Variants in CRTC1 observed in about 807,000 individuals in gnomAD.
The protein encoded by CRTC1 is CREB regulated transcription coactivator 1.
In CRTC1, 18 loss-of-function variants were observed where a neutral mutation model predicts 66.1. That is an observed-to-expected ratio of 0.27 (90% CI 0.19 to 0.40). The LOEUF (loss-of-function observed/expected upper bound fraction) is 0.40, where lower values mean the gene tolerates loss of function less well. CRTC1 is among the 10% of genes least tolerant of loss of function. CRTC1 has a pLI of 1.00. For synonymous variants in CRTC1, 416 were observed against 398.8 expected (o/e 1.04, Z -0.51); for missense variants, 669 against 887.9 (o/e 0.75, Z 3.13).
rs1175030531 is a variant in CRTC1, at chr19:18,774,984, C to G, written c.1510C>G (p.Gln504Glu). 5.0e-6 allele frequency: 8 copies of G among 1,604,216 alleles called. No individual in the cohort carries two copies. Among genetic ancestry groups the G allele is most frequent in the Non-Finnish European group, 5.9e-6 (7 of 1,179,874 alleles). ...AARQANALSH[Q>E]LEQFNMMENA... The stretch of plus-strand genomic sequence containing the variant: ...CAGGCAGGCCAATGCTCTGTCCCAC[C>G]AGGTGAGCGGGCGCCCAGGCTGCCA... Residue 504 changes from glutamine (Q) to glutamate (E), a missense_variant and splice_region_variant, in exon 12 of 14, where the codon CAG becomes GAG. This residue lies in a region of CRTC1 where 79 missense variants were observed against 100.1 expected (regional missense o/e 0.79). Transcript: ENST00000321949.
rs530761694 is a variant in CRTC1 at position 18,765,429 on chromosome 19, A to G, written c.912A>G (p.Pro304=). The G allele has an allele frequency of 8.7e-6, 14 of 1,612,980 alleles. No individual in the cohort carries two copies. The African/African-American group carries it at 1.6e-4, about 18-fold the overall frequency. The change falls in exon 9 of 14, where the codon CCA becomes CCG. Residue 304 remains proline (P), a synonymous_variant. Coordinates refer to ENST00000321949, the MANE Select transcript of CRTC1 (RefSeq NM_015321.3). ...GAATGAGCACACCTGGCTCCTCTCC[A>G]CAGCACCGCCCAGCTGGCGTCAGCC... is the stretch of plus-strand genomic sequence containing the variant. ...GQGMSTPGSS[P]QHRPAGVSPL...
chr19:18,771,516 T>C lies in CRTC1; in HGVS notation c.1395T>C (p.Asn465=). 1.2e-6 allele frequency: 2 copies of C among 1,613,650 alleles called. No homozygotes were observed. The highest frequency in any genetic ancestry group is 1.7e-6 in the Non-Finnish European group (2 of 1,179,774). The part of the protein sequence containing the change: ...ANQSPTSPVS[N]QGFSPGSSPQ... ...AGTCTCCCACCTCGCCAGTCTCCAA[T>C]CAAGGCTTCTCCCCAGGGAGCTCCC... Residue 465 remains asparagine (N), a synonymous_variant, in exon 11 of 14, where the codon AAT becomes AAC. Coordinates refer to ENST00000321949, the MANE Select transcript of CRTC1 (RefSeq NM_015321.3). This position sits in a 1 kb window ranked among gnomAD's most constrained non-coding sequence, Gnocchi z 4.6.
At chr19:18,698,083 GGCAGGCACACGGTAGGTGCTCT>G (rs2145513085) in intron 1 of CRTC1, among the ~76,000 whole-genome samples, 2 of 150,566 alleles carry the variant, frequency 1.3e-5, no homozygotes, top group South Asian at 4.2e-4. Context: ...GCAGGTGCTC[GGCAGGCACACGGTAGGTGCTCT>G]GCAGGTGCAC....
chr19:18,736,667 G>A (rs2054003044), intron 1 of CRTC1, among the ~76,000 whole-genome samples: 1 of 151,972 alleles, frequency 6.6e-6, no homozygotes, highest in South Asian at 2.1e-4. Context: ...GGAGCCTATG[G>A]TCATGGAGAG....
At chr19:18,694,734 C>T (rs10412418) in intron 1 of CRTC1, among the ~76,000 whole-genome samples, 3 of 152,166 alleles carry the variant, frequency 2.0e-5, no homozygotes, top group Non-Finnish European at 4.4e-5. Flanking sequence ...CTGCGCCAGG[C>T]GCATCTGGCC....
chr19:18,760,133 C>G lies in CRTC1; in HGVS notation c.791C>G (p.Pro264Arg), dbSNP rs1430590268. The G allele has an allele frequency of 6.2e-7, 1 of 1,613,842 alleles. No individual in the cohort carries two copies. Reference protein sequence around the residue: ...FPSPLPTPLDPEEPTFPALSS... With the variant: ...FPSPLPTPLDREEPTFPALSS... The stretch of plus-strand genomic sequence containing the variant: ...TCCCCGCTCCCGACCCCGCTGGACC[C>G]CGAGGAGCCCACCTTCCCTGCACTG... The change falls in exon 8 of 14, where the codon CCC becomes CGC. Residue 264 changes from proline to arginine, a missense_variant. By Grantham distance (103) the Pro-to-Arg change is moderately radical. Coordinates refer to ENST00000321949, the MANE Select transcript of CRTC1 (RefSeq NM_015321.3). This position sits in a 1 kb window ranked among gnomAD's most constrained non-coding sequence, Gnocchi z 6.2.
chr19:18,740,054 A>G (rs1489511062), intron 1 of CRTC1, among the ~76,000 whole-genome samples: 1 of 151,980 alleles, frequency 6.6e-6, no homozygotes, highest in Non-Finnish European at 1.5e-5. Flanking sequence ...GGGGTTCAAG[A>G]CCAGCCTGGC....
chr19:18,751,010 A>G (rs994316754), intron 5 of CRTC1, among the ~76,000 whole-genome samples: 1 of 152,170 alleles, frequency 6.6e-6, no homozygotes, highest in Non-Finnish European at 1.5e-5. Context: ...GAGCTGTGAC[A>G]TGGGACCCCT....
chr19:18,780,859 C>T lies in CRTC1; in HGVS notation c.*3477C>T, dbSNP rs148208339. ...AGGCCTGAACAGCCTTGGCAGGACC[C>T]GTCCCTAGAGGGGGCTCTGGTGCCT... On this transcript the variant is annotated 3_prime_UTR_variant, in exon 14 of 14. Transcript: ENST00000321949. 2.1e-4 allele frequency: 46 copies of T among 222,608 alleles called. No individual in the cohort carries two copies. Among genetic ancestry groups the T allele is most frequent in the African/African-American group, 9.6e-4 (43 of 44,802 alleles). The allele number at this position is 222,608 out of a possible 1,614,324, so 13.8% of individuals were successfully genotyped here.
intron 11 of CRTC1, among the ~76,000 whole-genome samples, chr19:18,772,087 C>A (rs745937623): frequency 1.3e-5 from 2 of 152,180 alleles, no homozygotes; most frequent in Non-Finnish European, 2.9e-5. Context: ...ATTCCACAGA[C>A]GGGAGACTGA....
intron 1 of CRTC1, among the ~76,000 whole-genome samples, chr19:18,713,126 C>G (rs1374956950): frequency 1.3e-5 from 2 of 152,226 alleles, no homozygotes; most frequent in East Asian, 3.8e-4. Flanking sequence ...TGTCTGGCCT[C>G]TCTCACTCAG....
chr19:18,745,800 G>A (rs773096415), intron 2 of CRTC1, 23 bp from the exon 3 acceptor site: 1 of 1,613,348 alleles, frequency 6.2e-7, no homozygotes, highest in Non-Finnish European at 8.5e-7. Context: ...CTCTCTCTCT[G>A]TTTCCATCTC....
chr19:18,757,668 G>A (rs575891747), intron 6 of CRTC1, among the ~76,000 whole-genome samples: 180 of 152,150 alleles, frequency 1.2e-3, no homozygotes, highest in African/African-American at 4.2e-3. Flanking sequence ...GAGCCTAGGA[G>A]TTTGAGGCCA....
intron 13 of CRTC1, among the ~76,000 whole-genome samples, chr19:18,776,118 G>A (rs2054984686): frequency 6.6e-6 from 1 of 152,230 alleles, no homozygotes; most frequent in South Asian, 2.1e-4. Flanking sequence ...GGGTAAAGGT[G>A]AAGCAGCCGG....
At chr19:18,706,829 T>G (rs1439680747) in intron 1 of CRTC1, among the ~76,000 whole-genome samples, 1 of 152,218 alleles carries the variant, frequency 6.6e-6, no homozygotes, top group Admixed American at 6.5e-5. Flanking sequence ...TTTGCCCTTG[T>G]TTTTTAGCGC....
chr19:18,730,638 T>A (rs2053865914), intron 1 of CRTC1, among the ~76,000 whole-genome samples: 1 of 151,980 alleles, frequency 6.6e-6, no homozygotes, highest in Non-Finnish European at 1.5e-5. Context: ...CTCCCACCCC[T>A]GCAGTTCCTG....
rs1050585583 is a variant in CRTC1 at position 18,736,001 on chromosome 19, G to T, written c.127-6909G>T. On this transcript the variant is annotated intron_variant, in intron 1 of 13. Transcript: ENST00000321949. ...CAGGGGAGGTGGGGACACTGCCGTG[G>T]TGGGGCGGGAGCTGGGCTGGCTGAG... Among the ~76,000 whole-genome samples, 5 of 152,350 alleles carry T rather than the reference G, an allele frequency of 3.3e-5. No homozygotes were observed. In the South Asian group the frequency reaches 1.0e-3, roughly 32 times the overall value.
intron 1 of CRTC1, among the ~76,000 whole-genome samples, chr19:18,705,582 G>A (rs558123066): frequency 6.6e-6 from 1 of 152,304 alleles, no homozygotes; most frequent in South Asian, 2.1e-4. Context: ...GCCTCCCAAA[G>A]TGCTGGGATT....
intron 1 of CRTC1, among the ~76,000 whole-genome samples, chr19:18,731,498 A>G (rs749375598): frequency 6.6e-6 from 1 of 152,172 alleles, no homozygotes; most frequent in Non-Finnish European, 1.5e-5. Flanking sequence ...ATCCCGCACT[A>G]ATTACATCTG....
Sources: gnomAD v4.1 joint callset for allele counts (sites outside exome capture counted in the v4.1 genomes callset) on GRCh38, gnomAD v4.1.1 for gene constraint, gnomAD v4.1.1 regional missense constraint, Gnocchi (gnomAD v3.1) non-coding constraint, MANE v1.5 for transcripts, NCBI Gene and HGNC (gene_info 2026-07-23, HGNC 2026-07-21) for gene names.